MEIOB: variants seen among roughly 807,000 people sequenced by gnomAD.
MEIOB encodes the protein meiosis specific with OB-fold.
A neutral mutation model predicts 53.1 loss-of-function variants in MEIOB; 50 were observed. That is an observed-to-expected ratio of 0.94 (90% CI 0.75 to 1.19). The LOEUF (loss-of-function observed/expected upper bound fraction) is 1.19. Among genes scored for constraint, MEIOB ranks in the 50% most tolerant of loss-of-function variants. The pLI is 0.00. For synonymous variants in MEIOB, 192 were observed against 182.5 expected (o/e 1.05, Z -0.42); for missense variants, 551 against 550.8 (o/e 1.00, Z 0.00).
intron 3 of MEIOB, 120 bp from the exon 4 acceptor site, chr16:1,862,236 T>A: frequency 1.4e-6 from 1 of 733,434 alleles, no homozygotes; most frequent in Non-Finnish European, 2.2e-6. Context: ...ATTTGTTTAA[T>A]CAAATAACTA....
chr16:1,853,386 A>C, intron 7 of MEIOB, 115 bp from the exon 8 acceptor site: 1 of 781,884 alleles, frequency 1.3e-6, no homozygotes, highest in East Asian at 2.7e-5. Flanking sequence ...GCCATCCCCA[A>C]GGTGGTCAAA....
chr16:1,868,429 AG>A (rs1411607647), intron 1 of MEIOB, among the ~76,000 whole-genome samples: 2 of 152,142 alleles, frequency 1.3e-5, no homozygotes, highest in East Asian at 3.9e-4. Flanking sequence ...CAGGAGGCTG[AG>A]GCAGGAAGAA....
chr16:1,839,535 T>C (rs976417293), intron 11 of MEIOB, 97 bp from the exon 12 acceptor site: 10 of 1,167,508 alleles, frequency 8.6e-6, no homozygotes, highest in Admixed American at 7.7e-5. Context: ...TCTACGACAG[T>C]GTGTGGAAAA....
At chr16:1,835,730 T>C (rs1276635469) in intron 13 of MEIOB, among the ~76,000 whole-genome samples, 1 of 152,200 alleles carries the variant, frequency 6.6e-6, no homozygotes, top group East Asian at 1.9e-4. Flanking sequence ...GCTCATGGAA[T>C]CCCCATGAAG....
At chr16:1,837,058 T>C (rs1290227433) in intron 13 of MEIOB, among the ~76,000 whole-genome samples, 1 of 152,124 alleles carries the variant, frequency 6.6e-6, no homozygotes, top group Non-Finnish European at 1.5e-5. Context: ...TCATCTGCAA[T>C]AGGGGAGTTT....
chr16:1,868,299 G>A, intron 1 of MEIOB, 115 bp from the exon 2 acceptor site: 1 of 529,088 alleles, frequency 1.9e-6, no homozygotes, highest in South Asian at 2.3e-5. Flanking sequence ...GCTCATACCT[G>A]TAATCCCAGC....
At chr16:1,853,877 C>T (rs374527063) in intron 7 of MEIOB, among the ~76,000 whole-genome samples, 84 of 152,186 alleles carry the variant, frequency 5.5e-4, no homozygotes, top group Admixed American at 2.6e-4. Context: ...AAACTGGGCA[C>T]GGTGGAGTCC....
intron 10 of MEIOB, among the ~76,000 whole-genome samples, chr16:1,844,203 A>G (rs1251363742): frequency 6.7e-6 from 1 of 148,988 alleles, no homozygotes; most frequent in Non-Finnish European, 1.5e-5. Flanking sequence ...GCTCACTGCA[A>G]CCTCCGCCTC....
Position 1,839,271 on chromosome 16 carries a change from T to C in MEIOB, c.1202A>G (p.Glu401Gly). 1 of 1,608,962 alleles carries C rather than the reference T, an allele frequency of 6.2e-7. No homozygotes were observed. The highest frequency in any genetic ancestry group is 1.1e-5 in the South Asian group (1 of 89,742). The change falls in exon 12 of 14, where the codon GAG becomes GGG. Residue 401 changes from glutamate to glycine, a missense_variant. Glu to Gly is a moderately conservative substitution (Grantham distance 98). Transcript: ENST00000325962. Reference sequence around the variant, plus strand: ...GCTATTTACCGTGCAGCCCAAAGTCTCCTCAGCAACACTTCCTGTGAGACT... The same window carrying C: ...GCTATTTACCGTGCAGCCCAAAGTCCCCTCAGCAACACTTCCTGTGAGACT... ...SCSLTGSVAE[E>G]TLGCTVHEFL...
Position 1,860,013 on chromosome 16 carries a change from C to G in MEIOB, c.332+390G>C, listed in dbSNP as rs192813341. Among the ~76,000 whole-genome samples the G allele has an allele frequency of 4.0e-4, 61 of 152,300 alleles. 1 individual carries two copies. The South Asian group carries it at 9.3e-3, about 23-fold the overall frequency. On this transcript the variant is annotated intron_variant, in intron 5 of 13. Transcript: ENST00000325962. ...GAGAGCTCACCCTCAACCAACCACT[C>G]CCACAAGAGTCCTCCTCTCAAGCTC...
intron 2 of MEIOB, 72 bp downstream of exon 2, chr16:1,868,035 T>C (rs1899637372): frequency 1.3e-6 from 1 of 791,340 alleles, no homozygotes; most frequent in Non-Finnish European, 2.1e-6. Context: ...GTTGAATGAA[T>C]CAATAACATT....
rs1333806923 is a variant in MEIOB, at chr16:1,841,597, A to G, written c.1034+223T>C. Among the ~76,000 whole-genome samples, 3 of 152,302 alleles carry G rather than the reference A, an allele frequency of 2.0e-5. No individual in the cohort carries two copies. In the East Asian group the frequency reaches 5.8e-4, roughly 29 times the overall value. On this transcript the variant is annotated intron_variant, in intron 11 of 13. Coordinates refer to ENST00000325962, the MANE Select transcript of MEIOB (RefSeq NM_001163560.3). ...AAAGTTTCTCACATTATATCTTTAT[A>G]TGTTAGAATTATGGAAATACAGATT...
intron 7 of MEIOB, 79 bp downstream of exon 7, chr16:1,854,021 A>G (rs1899237348): frequency 1.3e-6 from 1 of 786,242 alleles, no homozygotes; most frequent in Non-Finnish European, 2.1e-6. Context: ...TATGAAGTCC[A>G]TCATATTTTT....
At chr16:1,868,763 G>C (rs1000803527) in intron 1 of MEIOB, among the ~76,000 whole-genome samples, 2 of 150,702 alleles carry the variant, frequency 1.3e-5, no homozygotes, top group African/African-American at 4.9e-5. Context: ...GCTGAGGCAG[G>C]AGAATGGCGT....
intron 1 of MEIOB, among the ~76,000 whole-genome samples, chr16:1,869,753 A>C (rs1048026559): frequency 6.6e-6 from 1 of 151,792 alleles, no homozygotes; most frequent in African/African-American, 2.4e-5. Flanking sequence ...GCCCGGCCTC[A>C]GTGGGACATT....
At chr16:1,871,519 C>CT (rs71148106) in intron 1 of MEIOB, among the ~76,000 whole-genome samples, 2,354 of 39,902 alleles carry the variant, frequency 0.059, 314 homozygotes, top group Admixed American at 0.1. Flanking sequence ...GCGCCCGGCC[C>CT]TTTTTTTTTT....
chr16:1,862,699 T>C (rs918651412), intron 3 of MEIOB, among the ~76,000 whole-genome samples: 18 of 152,046 alleles, frequency 1.2e-4, no homozygotes, highest in African/African-American at 3.9e-4. Flanking sequence ...GGCGGGTGGA[T>C]CACCTGAGGT....
chr16:1,867,990 G>C (rs1031913483), intron 2 of MEIOB, 117 bp downstream of exon 2: 2 of 556,076 alleles, frequency 3.6e-6, no homozygotes, highest in Non-Finnish European at 6.6e-6. Flanking sequence ...CCAATGCAAT[G>C]AGTATCTATA....
chr16:1,850,826 C>A (rs1016625482), intron 9 of MEIOB, among the ~76,000 whole-genome samples: 2 of 151,720 alleles, frequency 1.3e-5, no homozygotes, highest in South Asian at 4.2e-4. Flanking sequence ...GAGGCTGAGG[C>A]AGGAGAATGG....
Sources: allele counts gnomAD v4.1 joint callset (sites outside exome capture counted in the v4.1 genomes callset), GRCh38; gene constraint gnomAD v4.1.1; transcripts MANE v1.5; gene names NCBI Gene and HGNC (gene_info 2026-07-23, HGNC 2026-07-21).